The following PCDH11X variants were observed in gnomAD, a reference collection of about 807,000 sequenced individuals.
PCDH11X encodes the protein protocadherin 11 X-linked.
PCDH11X carries 18 observed loss-of-function variants against 53.3 expected under a neutral mutation model. The observed-to-expected ratio is 0.34, with a 90% CI of 0.23 to 0.50. PCDH11X has a LOEUF of 0.50. PCDH11X is among the 20% of genes least tolerant of loss of function. The probability of loss-of-function intolerance (pLI) is 0.98; values close to 1 mark genes in which losing one functional copy is unlikely to be tolerated. For synonymous variants in PCDH11X, 279 were observed against 393.3 expected, an observed-to-expected ratio of 0.71 and a Z score of 3.44; for missense variants, 570 against 1,032.4, an observed-to-expected ratio of 0.55 and a Z score of 6.14.
At chrX:92,056,310 G>A (rs1439284409) in intron 6 of PCDH11X, among the ~76,000 whole-genome samples, 1 of 111,355 alleles carries the variant, frequency 9.0e-6, no homozygotes, top group African/African-American at 3.3e-5. Context: ...TTTTCATGAT[G>A]GTTGGCTGCA....
intron 6 of PCDH11X, among the ~76,000 whole-genome samples, chrX:91,929,688 T>C (rs947702857): frequency 5.4e-5 from 6 of 111,425 alleles, no homozygotes; most frequent in African/African-American, 1.6e-4. Context: ...TCGTGGCAGA[T>C]AAAATGCAAA....
intron 9 of PCDH11X, among the ~76,000 whole-genome samples, chrX:92,452,253 C>A (rs1654585440): frequency 9.9e-6 from 1 of 100,681 alleles, no homozygotes; most frequent in East Asian, 3.1e-4. Flanking sequence ...TTTATAAACT[C>A]AAGCAAGTAA....
chrX:92,103,521 CAAG>C lies in PCDH11X; in HGVS notation c.3034-97850_3034-97848del, dbSNP rs752190412. On this transcript the variant is annotated intron_variant, in intron 6 of 10. Transcript: ENST00000682573. ...CAGCATCAGTCTTCAGCCGGTAAGCCAAGAAGGAGTCAGTCAGAGAGCCCTGGG... is the reference window on the plus strand; with the variant it reads ...CAGCATCAGTCTTCAGCCGGTAAGCCAAGGAGTCAGTCAGAGAGCCCTGGG... 1.7e-3 allele frequency among the ~76,000 whole-genome samples: 185 copies of C among 111,346 alleles called. 1 individual carries two copies. The highest frequency in any genetic ancestry group is 0.011 in the South Asian group (29 of 2,619).
intron 8 of PCDH11X, among the ~76,000 whole-genome samples, chrX:92,328,827 G>C (rs1315677849): frequency 9.1e-6 from 1 of 109,474 alleles, no homozygotes; most frequent in Non-Finnish European, 1.9e-5. Context: ...AGCTTAGGTG[G>C]CTTCACTAGG....
At chrX:92,196,467 A>C (rs1463206498) in intron 6 of PCDH11X, among the ~76,000 whole-genome samples, 3 of 111,858 alleles carry the variant, frequency 2.7e-5, no homozygotes, top group African/African-American at 9.7e-5. Flanking sequence ...AGAAGAATTT[A>C]TCTCTAATCA....
At chrX:91,968,478 C>A (rs1201567304) in intron 6 of PCDH11X, among the ~76,000 whole-genome samples, 1 of 111,319 alleles carries the variant, frequency 9.0e-6, no homozygotes, top group Non-Finnish European at 1.9e-5. Flanking sequence ...AGTTTGTGTA[C>A]ACCACAAATC....
At chrX:91,819,821 C>G (rs1255471346) in intron 4 of PCDH11X, among the ~76,000 whole-genome samples, 1 of 90,320 alleles carries the variant, frequency 1.1e-5, no homozygotes, top group Non-Finnish European at 2.2e-5. Flanking sequence ...TCCCTCCCCC[C>G]TCCCCCAACC....
At chrX:92,037,743 G>A (rs1222821367) in intron 6 of PCDH11X, among the ~76,000 whole-genome samples, 2 of 110,762 alleles carry the variant, frequency 1.8e-5, no homozygotes, top group Non-Finnish European at 3.8e-5. Context: ...ATTCTGACTG[G>A]CATGAGATGG....
chrX:91,823,178 T>A (rs1479348991), intron 4 of PCDH11X, among the ~76,000 whole-genome samples: 1 of 110,575 alleles, frequency 9.0e-6, no homozygotes, highest in African/African-American at 3.3e-5. Flanking sequence ...GTTCTGTAGA[T>A]GTCTATTAGG....
chrX:92,067,468 G>T (rs2063629028), intron 6 of PCDH11X, among the ~76,000 whole-genome samples: 2 of 111,613 alleles, frequency 1.8e-5, no homozygotes, highest in African/African-American at 6.5e-5. Flanking sequence ...ACATTGATTT[G>T]TGTATGTGGA....
intron 6 of PCDH11X, among the ~76,000 whole-genome samples, chrX:91,904,697 A>T (rs1166865540): frequency 8.1e-5 from 9 of 110,980 alleles, no homozygotes; most frequent in Non-Finnish European, 1.3e-4. Context: ...ACTCTTCTCA[A>T]ATAGGATGTT....
At chrX:92,135,312 A>C (rs1384257829) in intron 6 of PCDH11X, among the ~76,000 whole-genome samples, 1 of 111,503 alleles carries the variant, frequency 9.0e-6, no homozygotes, top group Non-Finnish European at 1.9e-5. Context: ...AGCATCATTC[A>C]TTGTCTCATC....
chrX:92,385,071 C>T lies in PCDH11X; in HGVS notation c.3145-2664C>T, dbSNP rs180929254. The stretch of plus-strand genomic sequence containing the variant: ...TGTCTCAGTCATAATTTTGCAAAGG[C>T]GGTTTCACAAGGGCTTATTTAGTAC... On this transcript the variant is annotated intron_variant, in intron 8 of 10. Transcript: ENST00000682573. 6.6e-4 allele frequency among the ~76,000 whole-genome samples: 62 copies of T among 94,617 alleles called. No individual in the cohort carries two copies. In the East Asian group the frequency reaches 0.014, roughly 22 times the overall value. The allele number at this position is 94,617 out of a possible 115,157, so 82.2% of individuals were successfully genotyped here.
At chrX:92,239,689 A>G (rs181900214) in intron 7 of PCDH11X, among the ~76,000 whole-genome samples, 1 of 111,797 alleles carries the variant, frequency 8.9e-6, no homozygotes, top group East Asian at 2.8e-4. Context: ...GAAAATTTTG[A>G]TGTAACTCAG....
At chrX:92,071,100 C>T (rs2063695908) in intron 6 of PCDH11X, among the ~76,000 whole-genome samples, 1 of 108,898 alleles carries the variant, frequency 9.2e-6, no homozygotes, top group South Asian at 3.9e-4. Context: ...CCACTGCACC[C>T]GGCAAGGCCA....
intron 6 of PCDH11X, chrX:91,882,949 T>A: frequency 8.5e-7 from 1 of 1,183,333 alleles, no homozygotes. Context: ...CAGTGAGATA[T>A]AACTTTCTAG....
At chrX:92,228,586 T>A (rs2148366188) in intron 7 of PCDH11X, among the ~76,000 whole-genome samples, 1 of 111,370 alleles carries the variant, frequency 9.0e-6, no homozygotes. Flanking sequence ...GGCAAACTAG[T>A]TAATTGCTTT....
rs2062924576 is a variant in PCDH11X at position 92,023,596 on chromosome X, G to C, written c.3033+144323G>C. 2.8e-5 allele frequency among the ~76,000 whole-genome samples: 3 copies of C among 108,015 alleles called. No individual in the cohort carries two copies. In the South Asian group the frequency reaches 1.3e-3, roughly 46 times the overall value. The allele number at this position is 108,015 out of a possible 115,157, so 93.8% of individuals were successfully genotyped here. ...AATTCTACCAGAGTTACAAAGAGGA[G>C]CTGGTACCATTCCTTCTGAAACCAT... On this transcript the variant is annotated intron_variant, in intron 6 of 10. Transcript: ENST00000682573.
At chrX:92,385,407 A>G (rs1038487166) in intron 8 of PCDH11X, among the ~76,000 whole-genome samples, 19 of 105,854 alleles carry the variant, frequency 1.8e-4, no homozygotes, top group Non-Finnish European at 3.3e-4. Context: ...AAAAGCATAC[A>G]AAAAGATATT....
Sources: allele counts gnomAD v4.1 joint callset (sites outside exome capture counted in the v4.1 genomes callset), GRCh38; gene constraint gnomAD v4.1.1; transcripts MANE v1.5; gene names NCBI Gene and HGNC (gene_info 2026-07-23, HGNC 2026-07-21).